Variants in COBL observed in about 807,000 individuals in gnomAD.
The protein encoded by COBL is cordon-bleu WH2 repeat protein, also known as protein cordon-bleu.
In COBL, 51 loss-of-function variants were observed where a neutral mutation model predicts 98.8. That is an observed-to-expected ratio of 0.52 (90% CI 0.41 to 0.65). COBL has a LOEUF of 0.65. Among genes scored for constraint, COBL ranks in the 30% least tolerant of loss-of-function variants. The pLI, the probability that COBL is intolerant of heterozygous loss-of-function variation, is 0.00. For synonymous variants in COBL, 634 were observed against 651.7 expected, an observed-to-expected ratio of 0.97 and a Z score of 0.41; for missense variants, 1,617 against 1,617.5, an observed-to-expected ratio of 1.00 and a Z score of 0.01.
Position 51,219,778 on chromosome 7 carries a change from G to C in COBL, c.208C>G (p.Pro70Ala). 6.2e-7 allele frequency: 1 copy of C among 1,614,104 alleles called. No homozygotes were observed. Among genetic ancestry groups the C allele is most frequent in the African/African-American group, 1.3e-5 (1 of 75,042 alleles). Residue 70 changes from proline to alanine, a missense_variant, in exon 2 of 13, where the codon CCT becomes GCT. Pro to Ala is a conservative substitution (Grantham distance 27). Around this residue, in one of 3 missense-constraint regions of COBL, gnomAD observed 238 missense variants for 215.0 expected, o/e 1.11. Transcript: ENST00000265136. The stretch of plus-strand genomic sequence containing the variant: ...ACGCTCCTCTTCTCCAGCCCACTAG[G>C]CAGGACCACGGTGACGTCCATGGTG... ...ASTMDVTVVL[P>A]SGLEKRSVLN...
At chr7:51,227,081 T>C (rs1343550257) in intron 1 of COBL, among the ~76,000 whole-genome samples, 3 of 152,148 alleles carry the variant, frequency 2.0e-5, no homozygotes, top group East Asian at 1.9e-4. Context: ...GCTAGGATGT[T>C]TGGACTCCTT....
intron 1 of COBL, 33 bp from the exon 2 acceptor site, chr7:51,219,977 G>A: frequency 6.9e-6 from 11 of 1,588,298 alleles, no homozygotes; most frequent in Non-Finnish European, 9.4e-6. Flanking sequence ...CACAGAGTCA[G>A]TGGCAATGTT....
In COBL at chr7:51,142,383, ATTTTTTTT is replaced by A. The variant is rs10608547; in HGVS notation, c.784-6060_784-6053del. On this transcript the variant is annotated intron_variant, in intron 5 of 12. Coordinates refer to ENST00000265136, the MANE Select transcript of COBL (RefSeq NM_015198.5). ...ACAAAGAGTATCCAACTGGTATTTG[ATTTTTTTT>A]TTTTTTTTTTTTTTTTGAGACAGAA... Among the ~76,000 whole-genome samples, 20 of 71,426 alleles carry A rather than the reference ATTTTTTTT, an allele frequency of 2.8e-4. No homozygotes were observed. The South Asian group carries it at 3.5e-3, about 13-fold the overall frequency. The allele number at this position is 71,426 out of a possible 152,430, so 46.9% of individuals were successfully genotyped here.
At chr7:51,282,643 C>T (rs1356585524) in intron 1 of COBL, among the ~76,000 whole-genome samples, 1 of 151,976 alleles carries the variant, frequency 6.6e-6, no homozygotes, top group Non-Finnish European at 1.5e-5. Context: ...ACAACTCATA[C>T]ACAGAAAATC....
At chr7:51,231,873 C>A (rs1386878404) in intron 1 of COBL, among the ~76,000 whole-genome samples, 1 of 152,206 alleles carries the variant, frequency 6.6e-6, no homozygotes, top group Non-Finnish European at 1.5e-5. Flanking sequence ...AAAGAAGAGA[C>A]CCTGCCCCTC....
intron 1 of COBL, among the ~76,000 whole-genome samples, chr7:51,244,460 C>A (rs1019211800): frequency 7.2e-5 from 11 of 151,774 alleles, no homozygotes; most frequent in Non-Finnish European, 1.2e-4. Context: ...TGTCCAAAAC[C>A]TTCAATTAGG....
chr7:51,091,921 G>T (rs922566029), intron 6 of COBL, among the ~76,000 whole-genome samples: 1 of 152,144 alleles, frequency 6.6e-6, no homozygotes, highest in East Asian at 1.9e-4. Flanking sequence ...GCCAATCAAG[G>T]ATACTTAAAA....
At position 51,096,298 on chromosome 7, in the gene COBL, A is replaced by G. The variant is rs549468785; in HGVS notation, c.958-10994T>C. Among the ~76,000 whole-genome samples, 3 of 152,296 alleles carry G rather than the reference A, an allele frequency of 2.0e-5. No individual in the cohort carries two copies. In the South Asian group the frequency reaches 6.2e-4, roughly 32 times the overall value. On this transcript the variant is annotated intron_variant, in intron 6 of 12. Coordinates refer to ENST00000265136, the MANE Select transcript of COBL (RefSeq NM_015198.5). ...GGTTCAAAGAAGAAATCACAAGGGT[A>G]GTCAGAAAATATATTGAGACAAATG...
At chr7:51,213,851 C>T (rs1347351379) in intron 2 of COBL, among the ~76,000 whole-genome samples, 1 of 152,094 alleles carries the variant, frequency 6.6e-6, no homozygotes, top group East Asian at 1.9e-4. Flanking sequence ...CCTCCTGGGG[C>T]CAAGCAGCTG....
At chr7:51,212,918 C>T (rs930437077) in intron 2 of COBL, among the ~76,000 whole-genome samples, 1 of 152,216 alleles carries the variant, frequency 6.6e-6, no homozygotes, top group South Asian at 2.1e-4. Flanking sequence ...AATTGCTAGA[C>T]TCTAAGTACC....
intron 1 of COBL, among the ~76,000 whole-genome samples, chr7:51,286,419 A>G (rs1224851353): frequency 1.3e-5 from 2 of 151,010 alleles, no homozygotes; most frequent in Non-Finnish European, 3.0e-5. Flanking sequence ...AAAAAAAAGC[A>G]AAAAAAAATC....
At chr7:51,069,079 A>G (rs1792254728) in intron 7 of COBL, among the ~76,000 whole-genome samples, 1 of 152,212 alleles carries the variant, frequency 6.6e-6, no homozygotes, top group South Asian at 2.1e-4. Flanking sequence ...TGGAGCCAGC[A>G]GACATGAAAG....
intron 7 of COBL, among the ~76,000 whole-genome samples, chr7:51,084,258 TC>T: frequency 6.6e-6 from 1 of 152,178 alleles, no homozygotes; most frequent in African/African-American, 2.4e-5. Flanking sequence ...AGAAGGACTT[TC>T]CCTCCTGCAG....
At position 51,120,496 on chromosome 7, in the gene COBL, A is replaced by G. The variant is rs570428311; in HGVS notation, c.957+15662T>C. Among the ~76,000 whole-genome samples the G allele has an allele frequency of 4.6e-5, 7 of 152,316 alleles. No homozygotes were observed. The South Asian group carries it at 1.0e-3, about 23-fold the overall frequency. On this transcript the variant is annotated intron_variant, in intron 6 of 12. Transcript: ENST00000265136. ...ATCATTAATTATGGTAAATACACAT[A>G]CTATAAAATTTACCATCTTAACCAC...
intron 1 of COBL, among the ~76,000 whole-genome samples, chr7:51,307,162 T>C (rs947135678): frequency 1.3e-5 from 2 of 152,060 alleles, no homozygotes; most frequent in East Asian, 1.9e-4. Flanking sequence ...CTGACCAATA[T>C]GGTGAAACCC....
In COBL at chr7:51,184,142, A is replaced by T. The variant is rs1478231087; in HGVS notation, c.743T>A (p.Phe248Tyr). Reference protein sequence around the residue: ...NDETDKEKKKFLGFFKVNKRS... With the variant: ...NDETDKEKKKYLGFFKVNKRS... The stretch of plus-strand genomic sequence containing the variant: ...TTTATTAACTTTGAAAAATCCCAGA[A>T]ATTTTTTCTTCTCTTTATCTGTCTC... Residue 248 changes from phenylalanine to tyrosine, a missense_variant, in exon 5 of 13, where the codon TTT (phenylalanine) becomes TAT (tyrosine). Physicochemically the swap from Phe to Tyr is conservative, Grantham distance 22. Around this residue, in one of 3 missense-constraint regions of COBL, gnomAD observed 75 missense variants for 120.5 expected, o/e 0.62. Transcript: ENST00000265136. The T allele has an allele frequency of 1.3e-6, 2 of 1,568,426 alleles. No homozygotes were observed. Among genetic ancestry groups the T allele is most frequent in the East Asian group, 4.5e-5 (2 of 44,128 alleles).
chr7:51,040,776 CCT>C (rs1335983849), intron 8 of COBL, among the ~76,000 whole-genome samples: 1 of 152,170 alleles, frequency 6.6e-6, no homozygotes, highest in Non-Finnish European at 1.5e-5. Context: ...CGCCATATTC[CCT>C]GTTTGCATAA....
At chr7:51,070,910 G>C (rs1234355824) in intron 7 of COBL, 7 of 152,222 alleles carry the variant, frequency 4.6e-5, no homozygotes, top group Admixed American at 1.3e-4. Context: ...CTGGTAAAGT[G>C]AGATGGCAAA....
intron 5 of COBL, among the ~76,000 whole-genome samples, chr7:51,183,338 T>C (rs756872412): frequency 5.3e-5 from 8 of 151,818 alleles, no homozygotes; most frequent in Admixed American, 1.3e-4. Flanking sequence ...GTCTTACTTA[T>C]TAGTAAGGAT....
Sources: gnomAD v4.1 joint callset for allele counts (sites outside exome capture counted in the v4.1 genomes callset) on GRCh38, gnomAD v4.1.1 for gene constraint, gnomAD v4.1.1 regional missense constraint, MANE v1.5 for transcripts, NCBI Gene and HGNC (gene_info 2026-07-23, HGNC 2026-07-21) for gene names.